The following MCCC1 variants were observed in gnomAD, a reference collection of about 807,000 sequenced individuals.
MCCC1 encodes the protein methylcrotonoyl-CoA carboxylase subunit alpha, mitochondrial.
Under a neutral mutation model 83.8 loss-of-function variants are expected in MCCC1, and 64 were observed. The observed-to-expected ratio is 0.76, with a 90% CI of 0.62 to 0.94. MCCC1 has a LOEUF of 0.94. Ranked by LOEUF, MCCC1 falls within the 40% of genes least tolerant of loss-of-function variation. The pLI is 0.00. For missense variants in MCCC1, 807 were observed against 904.7 expected, an observed-to-expected ratio of 0.89 and a Z score of 1.39; for synonymous variants, 322 against 315.4, an observed-to-expected ratio of 1.02 and a Z score of -0.22.
intron 4 of MCCC1, among the ~76,000 whole-genome samples, chr3:183,081,753 CT>C (rs1230167159): frequency 6.6e-6 from 1 of 152,174 alleles, no homozygotes; most frequent in African/African-American, 2.4e-5. Flanking sequence ...AATTGCCCTG[CT>C]AATGCTGTTC....
intron 3 of MCCC1, among the ~76,000 whole-genome samples, chr3:183,092,052 AAAAAAAAAAG>A (rs1386778231): frequency 2.7e-5 from 4 of 148,284 alleles, no homozygotes; most frequent in African/African-American, 5.0e-5. Context: ...ACTCAATCTC[AAAAAAAAAAG>A]AAAAAAAAAG....
At chr3:183,039,231 TC>T in intron 11 of MCCC1, 96 bp from the exon 12 acceptor site, 1 of 1,127,558 alleles carries the variant, frequency 8.9e-7, no homozygotes, top group Non-Finnish European at 1.3e-6. Flanking sequence ...TCACGCTTAA[TC>T]CTCATAAACC....
chr3:183,102,758 GTTTTTTTTTTTTT>G (rs566199257), upstream of MCCC1, among the ~76,000 whole-genome samples: 55 of 52,154 alleles, frequency 1.1e-3, 3 homozygotes, highest in African/African-American at 3.4e-3. Flanking sequence ...AGCAGAGAAA[GTTTTTTTTTTTTT>G]TTTTTTTTTT....
chr3:183,048,965 T>C (rs1714755019), intron 9 of MCCC1, among the ~76,000 whole-genome samples: 1 of 152,208 alleles, frequency 6.6e-6, no homozygotes, highest in African/African-American at 2.4e-5. Flanking sequence ...AATCCTAAGA[T>C]ATTTGGATGT....
In MCCC1 at chr3:183,044,929, T is replaced by TGTC. The variant is rs1400637653; in HGVS notation, c.1083+483_1083+484insGAC. ...GTTTTGTTGTTGTTGTTGTTGTCGT[T>TGTC]GTTGTTGAATTATAGATTCAGGTGG... On this transcript the variant is annotated intron_variant, in intron 10 of 18. Transcript: ENST00000265594. 4.0e-5 allele frequency among the ~76,000 whole-genome samples: 6 copies of TGTC among 150,692 alleles called. No individual in the cohort carries two copies. In the South Asian group the frequency reaches 6.4e-4, roughly 16 times the overall value.
At position 183,064,172 on chromosome 3, in the gene MCCC1, G is replaced by T. The variant is rs981996140; in HGVS notation, c.762-6750C>A. On this transcript the variant is annotated intron_variant, in intron 7 of 18. Transcript: ENST00000265594. This position sits in a 1 kb window ranked among gnomAD's most constrained non-coding sequence, Gnocchi z 4.5. ...CTTGCACTCTTTGCTGACGGCGGTCGGTGATAGGATTAGGCATGTACAGGA... is the reference window on the plus strand; with the variant it reads ...CTTGCACTCTTTGCTGACGGCGGTCTGTGATAGGATTAGGCATGTACAGGA... Among the ~76,000 whole-genome samples, 1 of 151,738 alleles carries T rather than the reference G, an allele frequency of 6.6e-6. No homozygotes were observed. The highest frequency in any genetic ancestry group is 2.4e-5 in the African/African-American group (1 of 41,344).
chr3:183,036,514 TTGAC>T (rs1042399884), intron 13 of MCCC1, among the ~76,000 whole-genome samples: 11 of 150,890 alleles, frequency 7.3e-5, no homozygotes, highest in African/African-American at 2.7e-4. Flanking sequence ...GAACAAGTGT[TTGAC>T]TGAAAAGAGA....
chr3:183,039,243 C>T, intron 11 of MCCC1, 108 bp from the exon 12 acceptor site: 2 of 1,037,302 alleles, frequency 1.9e-6, no homozygotes, highest in Non-Finnish European at 1.5e-6. Flanking sequence ...CTCATAAACC[C>T]CTGCATGATA....
chr3:183,072,598 G>A (rs1220728521), intron 4 of MCCC1, 111 bp from the exon 5 acceptor site: 2 of 1,180,390 alleles, frequency 1.7e-6, no homozygotes, highest in Non-Finnish European at 2.5e-6. Context: ...ACTGGTAATA[G>A]TATGGTCTCT....
intron 4 of MCCC1, among the ~76,000 whole-genome samples, chr3:183,073,582 A>C (rs1413422875): frequency 6.6e-6 from 1 of 152,248 alleles, no homozygotes; most frequent in Non-Finnish European, 1.5e-5. Context: ...ATGTCTTCCA[A>C]TCACAAATGT....
intron 16 of MCCC1, among the ~76,000 whole-genome samples, chr3:183,020,818 A>G (rs1029449564): frequency 1.4e-4 from 21 of 152,138 alleles, no homozygotes; most frequent in Admixed American, 1.2e-3. Flanking sequence ...CCAGCACTTT[A>G]GGAGGCCAAG....
intron 9 of MCCC1, among the ~76,000 whole-genome samples, chr3:183,049,465 G>A (rs1185894901): frequency 2.6e-5 from 4 of 151,654 alleles, no homozygotes; most frequent in Non-Finnish European, 5.9e-5. Flanking sequence ...CCAGCTACTC[G>A]GGAGGCTGAG....
At chr3:183,021,430 G>T (rs1463419426) in intron 16 of MCCC1, among the ~76,000 whole-genome samples, 9 of 152,186 alleles carry the variant, frequency 5.9e-5, no homozygotes, top group African/African-American at 2.2e-4. Flanking sequence ...ATGTTACCCA[G>T]ACTGGTCTCA....
intron 10 of MCCC1, among the ~76,000 whole-genome samples, chr3:183,044,444 T>C (rs1437966858): frequency 1.3e-5 from 2 of 152,186 alleles, no homozygotes; most frequent in Non-Finnish European, 2.9e-5. Flanking sequence ...AATGCCAAAA[T>C]GCTTTAAAAG....
intron 2 of MCCC1, among the ~76,000 whole-genome samples, chr3:183,093,196 T>A (rs1275508117): frequency 6.6e-6 from 1 of 152,140 alleles, no homozygotes; most frequent in East Asian, 1.9e-4. Flanking sequence ...ACCCGGCCAA[T>A]ACTAACTAAT....
intron 8 of MCCC1, among the ~76,000 whole-genome samples, chr3:183,055,879 C>A (rs1715386724): frequency 6.6e-6 from 1 of 152,100 alleles, no homozygotes; most frequent in African/African-American, 2.4e-5. Flanking sequence ...GCCTGGATGA[C>A]AAAGCGAGAC....
intron 15 of MCCC1, chr3:183,022,778 T>C (rs142895160): frequency 4.2e-6 from 2 of 481,168 alleles, no homozygotes; most frequent in African/African-American, 3.9e-5. Context: ...AAAAAAGTTA[T>C]ATAACTTATC....
chr3:183,092,079 G>T (rs1354599847), intron 3 of MCCC1, among the ~76,000 whole-genome samples: 2 of 152,036 alleles, frequency 1.3e-5, no homozygotes, highest in East Asian at 3.9e-4. Flanking sequence ...AAAGAATAGA[G>T]CCTGGATCTT....
At chr3:183,030,670 G>GC (rs1277886987) in intron 14 of MCCC1, among the ~76,000 whole-genome samples, 1 of 152,122 alleles carries the variant, frequency 6.6e-6, no homozygotes, top group African/African-American at 2.4e-5. Context: ...GAACTCCAGG[G>GC]CCCGCACTCT....
Sources: gnomAD v4.1 joint callset for allele counts (sites outside exome capture counted in the v4.1 genomes callset) on GRCh38, gnomAD v4.1.1 for gene constraint, Gnocchi (gnomAD v3.1) non-coding constraint, MANE v1.5 for transcripts, NCBI Gene and HGNC (gene_info 2026-07-23, HGNC 2026-07-21) for gene names.